Variants in PRKCQ observed in about 807,000 individuals in gnomAD.
The protein encoded by PRKCQ is protein kinase C theta type.
PRKCQ carries 41 observed loss-of-function variants against 91.2 expected under a neutral mutation model. The observed-to-expected ratio is 0.45, with a 90% confidence interval of 0.35 to 0.58. The LOEUF (loss-of-function observed/expected upper bound fraction) is 0.58. PRKCQ is among the 20% of genes least tolerant of loss of function. The probability of loss-of-function intolerance (pLI) is 0.00; values close to 1 mark genes in which losing one functional copy is unlikely to be tolerated. For missense variants in PRKCQ, 673 were observed against 896.5 expected (o/e 0.75, Z 3.18); for synonymous variants, 307 against 316.9 (o/e 0.97, Z 0.33).
chr10:6,431,413 C>T (rs1481396868), intron 16 of PRKCQ, among the ~76,000 whole-genome samples: 4 of 152,174 alleles, frequency 2.6e-5, no homozygotes, highest in African/African-American at 9.7e-5. Flanking sequence ...AATGTGAGCA[C>T]GTGCAGACAT....
intron 12 of PRKCQ, 115 bp from the exon 13 acceptor site, chr10:6,464,519 G>A (rs35896644): frequency 0.18 from 145,119 of 827,216 alleles, 13,683 homozygotes; most frequent in African/African-American, 0.31. Flanking sequence ...GCGTGATCTC[G>A]GGTCACTGCA....
the PRKCQ span, among the ~76,000 whole-genome samples, chr10:6,400,904 A>G: frequency 6.6e-6 from 1 of 152,242 alleles, no homozygotes; most frequent in Admixed American, 6.5e-5. Context: ...TTAGATGCTA[A>G]GAACAACGAC....
chr10:6,422,390 C>T (rs896018046), downstream of PRKCQ, among the ~76,000 whole-genome samples: 6 of 152,080 alleles, frequency 3.9e-5, no homozygotes, highest in African/African-American at 9.7e-5. Context: ...TACACCACAT[C>T]GGGGGTGAGG....
intron 3 of PRKCQ, 50 bp downstream of exon 3, chr10:6,510,945 G>C: frequency 2.5e-6 from 4 of 1,605,556 alleles, no homozygotes; most frequent in Non-Finnish European, 3.4e-6. Flanking sequence ...GCCAGTCATC[G>C]GCTACCATCA....
intron 1 of PRKCQ, among the ~76,000 whole-genome samples, chr10:6,575,610 C>G (rs1841200507): frequency 6.6e-6 from 1 of 152,142 alleles, no homozygotes; most frequent in African/African-American, 2.4e-5. Flanking sequence ...GGTGTATATG[C>G]TCAAGCTGGG....
intron 1 of PRKCQ, among the ~76,000 whole-genome samples, chr10:6,573,496 A>G (rs542233400): frequency 1.2e-4 from 18 of 152,166 alleles, no homozygotes; most frequent in Non-Finnish European, 2.4e-4. Context: ...TCCCTTCTAC[A>G]TGTTCTCAAA....
rs182974011 is a variant in PRKCQ at position 6,498,827 on chromosome 10, G to A, written c.380-269C>T. ...CAATCCTTCGCTCCTCTTTGACTGG[G>A]CTGAGCGATATATCCTCTTCAAGTT... On this transcript the variant is annotated intron_variant, in intron 4 of 17. Transcript: ENST00000263125. Among the ~76,000 whole-genome samples, 15 of 152,298 alleles carry A rather than the reference G, an allele frequency of 9.8e-5. No individual in the cohort carries two copies. The South Asian group carries it at 1.7e-3, about 17-fold the overall frequency.
intron 8 of PRKCQ, among the ~76,000 whole-genome samples, chr10:6,487,506 GATCTATACAGGATTC>G (rs901240016): frequency 2.0e-5 from 3 of 152,120 alleles, no homozygotes; most frequent in Non-Finnish European, 4.4e-5. Context: ...CTGGACTCAT[GATCTATACAGGATTC>G]TAGCTTGGGG....
At chr10:6,527,841 G>A (rs187650654) in intron 1 of PRKCQ, among the ~76,000 whole-genome samples, 3 of 152,212 alleles carry the variant, frequency 2.0e-5, no homozygotes, top group Admixed American at 1.3e-4. Flanking sequence ...AGCCTATGCC[G>A]ATTGCAACCC....
At chr10:6,580,284 G>GCTGGCGGGGCTGGC (rs1564405584), upstream of PRKCQ, 4 of 47,688 alleles carry the variant, frequency 8.4e-5, no homozygotes, top group African/African-American at 2.0e-4. Flanking sequence ...ACTGCGCGGG[G>GCTGGCGGGGCTGGC]ACTGGCGGGG....
intron 1 of PRKCQ, among the ~76,000 whole-genome samples, chr10:6,571,880 A>G (rs140927902): frequency 6.6e-4 from 101 of 152,282 alleles, no homozygotes; most frequent in African/African-American, 2.3e-3. Flanking sequence ...CCTTCCCTAA[A>G]CAGCCACCTA....
intron 1 of PRKCQ, among the ~76,000 whole-genome samples, chr10:6,542,618 T>C (rs908982818): frequency 1.3e-5 from 2 of 152,164 alleles, no homozygotes; most frequent in Non-Finnish European, 2.9e-5. Flanking sequence ...AACAGCAGAA[T>C]TGTGTGTAGT....
At chr10:6,460,423 C>T (rs1389541017) in intron 14 of PRKCQ, among the ~76,000 whole-genome samples, 2 of 151,784 alleles carry the variant, frequency 1.3e-5, no homozygotes, top group Admixed American at 1.3e-4. Flanking sequence ...CCCTTCCAGT[C>T]TAAGATCTCT....
chr10:6,512,263 T>G (rs945451093), intron 2 of PRKCQ: 1 of 152,246 alleles, frequency 6.6e-6, no homozygotes, highest in African/African-American at 2.4e-5. Context: ...ACATGTACCA[T>G]GCACCCTCAG....
chr10:6,574,546 C>T (rs554798051), intron 1 of PRKCQ, among the ~76,000 whole-genome samples: 1 of 152,316 alleles, frequency 6.6e-6, no homozygotes, highest in East Asian at 1.9e-4. Context: ...TGATCTGGCA[C>T]AGCTGACTCC....
the PRKCQ span, among the ~76,000 whole-genome samples, chr10:6,409,934 T>C: frequency 6.6e-6 from 1 of 152,202 alleles, no homozygotes; most frequent in Admixed American, 6.5e-5. Flanking sequence ...CTTGGTGAAA[T>C]GTGTTAAAAA....
intron 15 of PRKCQ, among the ~76,000 whole-genome samples, chr10:6,445,134 A>ATC (rs1311051900): frequency 3.5e-4 from 52 of 149,772 alleles, no homozygotes; most frequent in Admixed American, 7.4e-4. Flanking sequence ...AAAAAAAAAA[A>ATC]AAAAAAAAAA....
At chr10:6,408,046 G>GTTTTTTTTT in the PRKCQ span, among the ~76,000 whole-genome samples, 11 of 84,222 alleles carry the variant, frequency 1.3e-4, no homozygotes, top group African/African-American at 2.2e-4. Flanking sequence ...TCTTGTGTCA[G>GTTTTTTTTT]TTTTTTTTTT....
intron 1 of PRKCQ, among the ~76,000 whole-genome samples, chr10:6,562,579 G>C (rs1840676553): frequency 6.6e-6 from 1 of 152,198 alleles, no homozygotes; most frequent in Non-Finnish European, 1.5e-5. Flanking sequence ...GATATAAAGG[G>C]AGAAGGAAGT....
Sources: gnomAD v4.1 joint callset for allele counts (sites outside exome capture counted in the v4.1 genomes callset) on GRCh38, gnomAD v4.1.1 for gene constraint, MANE v1.5 for transcripts, NCBI Gene and HGNC (gene_info 2026-07-23, HGNC 2026-07-21) for gene names.